The following PRELID2 variants were observed in gnomAD, a reference collection of about 807,000 sequenced individuals.
PRELID2 encodes PRELI domain containing 2.
PRELID2 carries 25 observed loss-of-function variants against 28.4 expected under a neutral mutation model. The observed-to-expected ratio is 0.88, with a 90% CI of 0.64 to 1.23. The LOEUF is 1.23. Ranked by LOEUF, PRELID2 falls within the 50% of genes most tolerant of loss-of-function variation. The pLI is 0.00. For synonymous variants in PRELID2, 76 were observed against 71.6 expected (o/e 1.06, Z -0.31); for missense variants, 201 against 214.4 (o/e 0.94, Z 0.39).
At chr5:145,332,088 T>A in the PRELID2 span, among the ~76,000 whole-genome samples, 9 of 152,340 alleles carry the variant, frequency 5.9e-5, no homozygotes, top group Admixed American at 3.9e-4. Context: ...ATGTTGAATA[T>A]TGGCCCCCAC....
chr5:145,381,429 G>A, the PRELID2 span, among the ~76,000 whole-genome samples: 1 of 152,050 alleles, frequency 6.6e-6, no homozygotes, highest in Non-Finnish European at 1.5e-5. Flanking sequence ...TACTTTTAAT[G>A]GCAAAAACCA....
intron 2 of PRELID2, 50 bp from the exon 3 acceptor site, chr5:145,820,068 T>G (rs1561648138): frequency 8.9e-7 from 1 of 1,124,680 alleles, no homozygotes; most frequent in East Asian, 2.4e-5. Flanking sequence ...AATGTGTTCT[T>G]TTCTTAGTGT....
At chr5:145,605,127 G>T (rs746453796) in intron 1 of PRELID2, among the ~76,000 whole-genome samples, 1 of 151,600 alleles carries the variant, frequency 6.6e-6, no homozygotes, top group Non-Finnish European at 1.5e-5. Flanking sequence ...TGGGTTGTCA[G>T]TTTACTCTGT....
At chr5:145,234,431 C>T in the PRELID2 span, among the ~76,000 whole-genome samples, 1 of 152,022 alleles carries the variant, frequency 6.6e-6, no homozygotes, top group Non-Finnish European at 1.5e-5. Flanking sequence ...ATACTTAATA[C>T]CAGGTATGTC....
At chr5:145,482,501 G>T (rs1338055380) in intron 1 of PRELID2, among the ~76,000 whole-genome samples, 1 of 152,008 alleles carries the variant, frequency 6.6e-6, no homozygotes, top group Non-Finnish European at 1.5e-5. Flanking sequence ...ATTCTTAAGT[G>T]CCAGGTAACA....
intron 1 of PRELID2, among the ~76,000 whole-genome samples, chr5:145,688,117 C>A (rs73794413): frequency 0.028 from 4,287 of 152,262 alleles, 188 homozygotes; most frequent in African/African-American, 0.094. Context: ...TGACACGATG[C>A]CTTCAGCTGC....
the PRELID2 span, among the ~76,000 whole-genome samples, chr5:145,329,288 T>G: frequency 6.6e-6 from 1 of 152,206 alleles, no homozygotes; most frequent in African/African-American, 2.4e-5. Flanking sequence ...TATATTAAAT[T>G]TAAAGTAGCT....
rs375795372 is a variant in PRELID2 at position 145,708,303 on chromosome 5, GA to G, written n.70+56627del. Among the ~76,000 whole-genome samples, 240 of 143,640 alleles carry G rather than the reference GA, an allele frequency of 1.7e-3. 2 individuals are homozygous for G. In the East Asian group the frequency reaches 0.021, roughly 13 times the overall value. 94.2% of individuals were successfully genotyped at this position (143,640 alleles called of 152,430 possible). A position where few individuals can be genotyped will look rare whatever the true frequency, so the allele number is the denominator to read the frequency against. On this transcript the variant is annotated intron_variant and non_coding_transcript_variant, in intron 1 of 2. Coordinates refer to the PRELID2 transcript ENST00000510259. The stretch of plus-strand genomic sequence containing the variant: ...GTACAGTAAGAAAATGATGAATCAA[GA>G]AAAAAAAAAAGGATAGATTCTAACT...
chr5:145,351,801 G>A, the PRELID2 span, among the ~76,000 whole-genome samples: 4 of 152,132 alleles, frequency 2.6e-5, no homozygotes, highest in Non-Finnish European at 5.9e-5. Context: ...AGAGGCATTG[G>A]GTAAGTATAC....
the PRELID2 span, among the ~76,000 whole-genome samples, chr5:145,360,018 C>T: frequency 2.6e-5 from 4 of 152,090 alleles, no homozygotes; most frequent in African/African-American, 9.7e-5. Context: ...TATGTCAGAC[C>T]TGCTGAGGTA....
chr5:145,487,514 T>C (rs1303691772), intron 1 of PRELID2, among the ~76,000 whole-genome samples: 2 of 152,154 alleles, frequency 1.3e-5, no homozygotes, highest in African/African-American at 4.8e-5. Flanking sequence ...TTCCAGTAGA[T>C]AGAAGTATAT....
At chr5:145,283,725 T>C in the PRELID2 span, among the ~76,000 whole-genome samples, 1 of 152,196 alleles carries the variant, frequency 6.6e-6, no homozygotes, top group Non-Finnish European at 1.5e-5. Flanking sequence ...AAGTTGTTCA[T>C]CTTAATTCTT....
At chr5:145,359,150 C>A in the PRELID2 span, among the ~76,000 whole-genome samples, 408 of 152,260 alleles carry the variant, frequency 2.7e-3, no homozygotes, top group African/African-American at 9.4e-3. Context: ...CTCATTAATG[C>A]CAATTATAAT....
the PRELID2 span, among the ~76,000 whole-genome samples, chr5:145,231,911 C>T: frequency 1.3e-5 from 2 of 151,992 alleles, no homozygotes; most frequent in African/African-American, 4.8e-5. Flanking sequence ...TCTTCTCTGT[C>T]CACTGTTTTT....
At chr5:145,419,574 G>T in the PRELID2 span, among the ~76,000 whole-genome samples, 237 of 143,386 alleles carry the variant, frequency 1.7e-3, 1 homozygote, top group Non-Finnish European at 2.6e-3. Flanking sequence ...TTTTGATGGG[G>T]TTGTTTGTTT....
At chr5:145,429,734 T>G in the PRELID2 span, 2 of 152,196 alleles carry the variant, frequency 1.3e-5, no homozygotes, top group African/African-American at 4.8e-5. Context: ...TGGAGACTCT[T>G]TCCCCACACT....
intron 4 of PRELID2, among the ~76,000 whole-genome samples, chr5:145,817,445 A>C (rs148755006): frequency 0.11 from 14,704 of 135,088 alleles, 1,028 homozygotes; most frequent in East Asian, 0.2. Context: ...ATATATATAT[A>C]TATCACATGG....
the PRELID2 span, among the ~76,000 whole-genome samples, chr5:145,372,783 G>T: frequency 1.3e-5 from 2 of 149,096 alleles, no homozygotes; most frequent in African/African-American, 2.5e-5. Flanking sequence ...ATACCAATGG[G>T]TCTTGACTCT....
At chr5:145,739,116 C>T (rs1290822750) in intron 1 of PRELID2, among the ~76,000 whole-genome samples, 1 of 152,112 alleles carries the variant, frequency 6.6e-6, no homozygotes, top group Non-Finnish European at 1.5e-5. Context: ...AAGACACTTT[C>T]AGATGATGAA....
Sources: allele counts gnomAD v4.1 joint callset (sites outside exome capture counted in the v4.1 genomes callset), GRCh38; gene constraint gnomAD v4.1.1; transcripts MANE v1.5; gene names NCBI Gene and HGNC (gene_info 2026-07-23, HGNC 2026-07-21).